PDGFRL: variants seen among roughly 807,000 people sequenced by gnomAD.
PDGFRL encodes the protein platelet derived growth factor receptor like.
PDGFRL carries 46 observed loss-of-function variants against 37.2 expected under a neutral mutation model. That is an observed-to-expected ratio of 1.24 (90% CI 0.98 to 1.58). PDGFRL has a LOEUF of 1.58. Among genes scored for constraint, PDGFRL ranks in the 40% most tolerant of loss-of-function variants. The pLI is 0.00. For missense variants in PDGFRL, 692 were observed against 467.6 expected (o/e 1.48, Z -4.43); for synonymous variants, 251 against 184.3 (o/e 1.36, Z -2.93).
intron 2 of PDGFRL, among the ~76,000 whole-genome samples, chr8:17,614,592 G>T (rs901843903): frequency 6.6e-6 from 1 of 152,112 alleles, no homozygotes; most frequent in Non-Finnish European, 1.5e-5. Flanking sequence ...TTGTAAACTT[G>T]TTTAGAGACA....
chr8:17,589,254 C>T (rs772256596), intron 1 of PDGFRL, among the ~76,000 whole-genome samples: 4 of 151,914 alleles, frequency 2.6e-5, no homozygotes, highest in Non-Finnish European at 4.4e-5. Flanking sequence ...GGTGTGGCGG[C>T]GGGCACCTGT....
intron 3 of PDGFRL, among the ~76,000 whole-genome samples, chr8:17,627,105 G>T (rs1400372496): frequency 6.6e-6 from 1 of 152,210 alleles, no homozygotes; most frequent in Non-Finnish European, 1.5e-5. Context: ...GGGGAGCTCT[G>T]ATGTACTGGG....
intron 2 of PDGFRL, among the ~76,000 whole-genome samples, chr8:17,594,326 C>T (rs905232896): frequency 2.2e-4 from 34 of 151,126 alleles, no homozygotes; most frequent in African/African-American, 2.9e-4. Context: ...GTACAGCTTC[C>T]GCCTCCCAGG....
intron 5 of PDGFRL, among the ~76,000 whole-genome samples, chr8:17,636,108 G>A (rs181537607): frequency 6.9e-4 from 105 of 152,298 alleles, no homozygotes; most frequent in African/African-American, 2.4e-3. Flanking sequence ...CTGTGCAGAA[G>A]TTTTTTAGTT....
chr8:17,595,189 A>C (rs995586918), intron 2 of PDGFRL, among the ~76,000 whole-genome samples: 1 of 151,934 alleles, frequency 6.6e-6, no homozygotes, highest in Non-Finnish European at 1.5e-5. Flanking sequence ...GACTGCAGCC[A>C]CCTCCAGGGA....
chr8:17,625,282 G>A (rs1010574569), intron 3 of PDGFRL, among the ~76,000 whole-genome samples: 1 of 152,240 alleles, frequency 6.6e-6, no homozygotes, highest in African/African-American at 2.4e-5. Context: ...CTCCCGAGTA[G>A]CTGGGATTAC....
chr8:17,636,738 C>G (rs889816068), intron 5 of PDGFRL, among the ~76,000 whole-genome samples: 1 of 152,066 alleles, frequency 6.6e-6, no homozygotes, highest in African/African-American at 2.4e-5. Context: ...TGATTCTACC[C>G]ATCCATGAGC....
At chr8:17,596,648 C>T (rs574534286) in intron 2 of PDGFRL, among the ~76,000 whole-genome samples, 68 of 152,214 alleles carry the variant, frequency 4.5e-4, no homozygotes, top group African/African-American at 1.6e-3. Context: ...AAATATTCAG[C>T]ATGTGAAAAA....
In PDGFRL at chr8:17,577,717, C is replaced by T. The variant is rs114935206; in HGVS notation, c.55+410C>T. On this transcript the variant is annotated intron_variant, in intron 1 of 5. Transcript: ENST00000251630. ...CCTCTGCTGCTGAGAGCGAGTGCCA[C>T]CTAAGCTCGGCAATCGCTGATTCGG... Among the ~76,000 whole-genome samples the T allele has an allele frequency of 7.8e-3, 1,179 of 151,802 alleles. 22 individuals are homozygous for T. The highest frequency in any genetic ancestry group is 0.027 in the African/African-American group (1,103 of 41,412).
At chr8:17,611,238 G>C (rs181009424) in intron 2 of PDGFRL, among the ~76,000 whole-genome samples, 21 of 152,292 alleles carry the variant, frequency 1.4e-4, no homozygotes, top group Admixed American at 1.4e-3. Context: ...AGTTCTGAAA[G>C]TACTCTTGGC....
chr8:17,579,556 G>GTTATTATTA (rs3988349), intron 1 of PDGFRL, among the ~76,000 whole-genome samples: 4,088 of 119,482 alleles, frequency 0.034, 85 homozygotes, highest in East Asian at 0.049. Context: ...TATTATTATT[G>GTTATTATTA]TTATTATTAT....
In PDGFRL at chr8:17,611,342, T is replaced by C. The variant is rs150682250; in HGVS notation, c.354-9709T>C. Among the ~76,000 whole-genome samples the C allele has an allele frequency of 5.3e-3, 802 of 152,356 alleles. 3 individuals are homozygous for C. Among genetic ancestry groups the C allele is most frequent in the African/African-American group, 0.018 (747 of 41,580 alleles). ...ACCCACTTTCACTCACTGAATTCTC[T>C]TCTATTCTGTACACTGTCACCTTTA... On this transcript the variant is annotated intron_variant, in intron 2 of 5. Transcript: ENST00000251630.
intron 3 of PDGFRL, among the ~76,000 whole-genome samples, chr8:17,627,989 C>CTTTTTT (rs35707610): frequency 3.6e-4 from 32 of 89,210 alleles, no homozygotes; most frequent in South Asian, 4.5e-4. Context: ...TTCTTTCTTT[C>CTTTTTT]TTTTTTTTTT....
chr8:17,599,965 T>G (rs2150820402), intron 2 of PDGFRL, among the ~76,000 whole-genome samples: 1 of 152,280 alleles, frequency 6.6e-6, no homozygotes, highest in Admixed American at 6.5e-5. Flanking sequence ...CAACATCTCC[T>G]TGAAAAGGAT....
intron 2 of PDGFRL, chr8:17,596,361 C>A: frequency 8.1e-7 from 1 of 1,230,768 alleles, no homozygotes; most frequent in Non-Finnish European, 1.0e-6. Context: ...AACGCGCCCG[C>A]AGGACCGGCC....
rs375035205 is a variant in PDGFRL at position 17,603,716 on chromosome 8, C to G, written c.353+13951C>G. On this transcript the variant is annotated intron_variant, in intron 2 of 5. Coordinates refer to ENST00000251630, the MANE Select transcript of PDGFRL (RefSeq NM_001372073.1). ...AGATGGTGAGCAAAATAGATAAAAT[C>G]TCTATATCCCATAGATCTTTTAATC... Among the ~76,000 whole-genome samples the G allele has an allele frequency of 2.0e-5, 3 of 152,138 alleles. No homozygotes were observed. In the South Asian group the frequency reaches 6.2e-4, roughly 32 times the overall value.
intron 2 of PDGFRL, among the ~76,000 whole-genome samples, chr8:17,604,897 T>A (rs1472289704): frequency 6.6e-6 from 1 of 152,122 alleles, no homozygotes; most frequent in Non-Finnish European, 1.5e-5. Context: ...GTGAATCACT[T>A]GAGCTCAGGA....
At chr8:17,594,982 C>T (rs1164718028) in intron 2 of PDGFRL, among the ~76,000 whole-genome samples, 2 of 143,756 alleles carry the variant, frequency 1.4e-5, no homozygotes, top group African/African-American at 5.1e-5. Context: ...GATGTATACC[C>T]GCAAGTGGGA....
intron 1 of PDGFRL, among the ~76,000 whole-genome samples, chr8:17,585,260 T>G (rs1184845916): frequency 2.0e-5 from 3 of 152,166 alleles, no homozygotes; most frequent in African/African-American, 2.4e-5. Context: ...ACCTGTATCT[T>G]GAGCCAACCT....
Sources: gnomAD v4.1 joint callset for allele counts (sites outside exome capture counted in the v4.1 genomes callset) on GRCh38, gnomAD v4.1.1 for gene constraint, MANE v1.5 for transcripts, NCBI Gene and HGNC (gene_info 2026-07-23, HGNC 2026-07-21) for gene names.